POU6F2: variants seen among roughly 807,000 people sequenced by gnomAD.
The protein encoded by POU6F2 is POU class 6 homeobox 2, also known as POU domain, class 6, transcription factor 2.
POU6F2 carries 31 observed loss-of-function variants against 71.3 expected under a neutral mutation model. The ratio of observed to expected loss-of-function variants is 0.43; its 90% CI spans 0.33 to 0.59. POU6F2 has a LOEUF of 0.59. Ranked by LOEUF, POU6F2 falls within the 20% of genes least tolerant of loss-of-function variation. The pLI is 0.04. For synonymous variants in POU6F2, 347 were observed against 355.7 expected, an observed-to-expected ratio of 0.98 and a Z score of 0.27; for missense variants, 783 against 856.8, an observed-to-expected ratio of 0.91 and a Z score of 1.07.
rs531893654 is a variant in POU6F2 at position 39,256,924 on chromosome 7, A to G, written c.598+49304A>G. On this transcript the variant is annotated intron_variant, in intron 4 of 9. Coordinates refer to ENST00000518318, the MANE Select transcript of POU6F2 (RefSeq NM_001370959.1). Reference sequence around the variant, plus strand: ...TAAAACCCATTAAAACCCATTTTGCATGTTTTACTTCCAGAAATGTAAGAT... The same window carrying G: ...TAAAACCCATTAAAACCCATTTTGCGTGTTTTACTTCCAGAAATGTAAGAT... 9.8e-5 allele frequency among the ~76,000 whole-genome samples: 15 copies of G among 152,336 alleles called. No homozygotes were observed. The South Asian group carries it at 2.7e-3, about 27-fold the overall frequency.
chr7:39,292,948 T>C (rs1005196124), intron 4 of POU6F2, among the ~76,000 whole-genome samples: 16 of 152,112 alleles, frequency 1.1e-4, no homozygotes, highest in Non-Finnish European at 1.8e-4. Flanking sequence ...AAATGAGCCG[T>C]TTCGTACCTC....
chr7:39,026,176 G>T (rs1789795929), intron 1 of POU6F2, among the ~76,000 whole-genome samples: 1 of 151,776 alleles, frequency 6.6e-6, no homozygotes, highest in South Asian at 2.1e-4. Context: ...TTCAACCATT[G>T]TGGAAGTCAG....
At chr7:39,200,287 T>A (rs7806520) in intron 2 of POU6F2, among the ~76,000 whole-genome samples, 56,864 of 152,060 alleles carry the variant, frequency 0.37, 10,954 homozygotes, top group South Asian at 0.49. Flanking sequence ...TCACGTGAGC[T>A]ACGCTTTAGA....
chr7:39,425,381 T>A (rs1165843660), intron 6 of POU6F2, among the ~76,000 whole-genome samples: 2 of 152,184 alleles, frequency 1.3e-5, no homozygotes, highest in African/African-American at 4.8e-5. Flanking sequence ...TGGTTACTAA[T>A]GGGAATAACC....
In POU6F2 at chr7:39,297,610, A is replaced by G. The variant is rs185863179; in HGVS notation, c.599-42032A>G. On this transcript the variant is annotated intron_variant, in intron 4 of 9. Transcript: ENST00000518318. ...CTTAAGTCCAGTCTTAAATAAAAGT[A>G]TGTGTCTTGATGGATATTTCTACAA... 8.6e-5 allele frequency among the ~76,000 whole-genome samples: 13 copies of G among 151,850 alleles called. No homozygotes were observed. In the East Asian group the frequency reaches 1.5e-3, roughly 18 times the overall value.
intron 1 of POU6F2, among the ~76,000 whole-genome samples, chr7:38,992,831 C>T (rs1014506618): frequency 2.6e-5 from 4 of 152,154 alleles, no homozygotes; most frequent in Non-Finnish European, 5.9e-5. Flanking sequence ...GTACAAGTGA[C>T]TGTGAATAAT....
chr7:39,160,340 C>T (rs74430783), intron 2 of POU6F2, among the ~76,000 whole-genome samples: 1,581 of 152,278 alleles, frequency 0.01, 23 homozygotes, highest in African/African-American at 0.035. Context: ...GAGCAGTTTA[C>T]AAGAAGGGTC....
intron 2 of POU6F2, among the ~76,000 whole-genome samples, chr7:39,194,821 C>G (rs150231062): frequency 6.6e-6 from 1 of 152,154 alleles, no homozygotes; most frequent in South Asian, 2.1e-4. Flanking sequence ...TCAGCGAGAC[C>G]ACGAACCCCC....
intron 4 of POU6F2, among the ~76,000 whole-genome samples, chr7:39,263,086 C>T (rs1784169856): frequency 6.6e-6 from 1 of 152,110 alleles, no homozygotes; most frequent in Non-Finnish European, 1.5e-5. Context: ...TTTTTAGAGA[C>T]CTCTTTTGTG....
At chr7:39,101,283 A>G (rs949539170) in intron 2 of POU6F2, among the ~76,000 whole-genome samples, 1 of 152,060 alleles carries the variant, frequency 6.6e-6, no homozygotes, top group Admixed American at 6.6e-5. Flanking sequence ...CATGTTGGCC[A>G]GGCTGGTCTC....
At chr7:39,429,113 A>C (rs894468398) in intron 6 of POU6F2, among the ~76,000 whole-genome samples, 5 of 46,420 alleles carry the variant, frequency 1.1e-4, no homozygotes, top group African/African-American at 3.6e-4. Context: ...AAAGCATAAT[A>C]ATAATAAAAA....
At chr7:39,060,538 CCA>C (rs1790634683) in intron 1 of POU6F2, among the ~76,000 whole-genome samples, 1 of 152,086 alleles carries the variant, frequency 6.6e-6, no homozygotes, top group Non-Finnish European at 1.5e-5. Context: ...TACAAAATCC[CCA>C]GATAGGTCTA....
intron 5 of POU6F2, among the ~76,000 whole-genome samples, chr7:39,377,278 A>C (rs887946766): frequency 6.6e-6 from 1 of 151,740 alleles, no homozygotes; most frequent in Non-Finnish European, 1.5e-5. Flanking sequence ...TTACAGGTGC[A>C]CACCACCACA....
chr7:39,376,044 A>C (rs943137643), intron 5 of POU6F2, among the ~76,000 whole-genome samples: 1 of 152,304 alleles, frequency 6.6e-6, no homozygotes, highest in East Asian at 1.9e-4. Flanking sequence ...TGGGGCTATA[A>C]TAGTACCTAT....
intron 4 of POU6F2, among the ~76,000 whole-genome samples, chr7:39,208,250 T>G (rs1320140734): frequency 6.6e-6 from 1 of 152,166 alleles, no homozygotes; most frequent in Non-Finnish European, 1.5e-5. Context: ...TTATGAAGGT[T>G]TTGACTTTTC....
intron 5 of POU6F2, among the ~76,000 whole-genome samples, chr7:39,392,154 T>G (rs144204258): frequency 1.3e-5 from 2 of 152,246 alleles, no homozygotes; most frequent in East Asian, 3.8e-4. Context: ...TCAAAAAATA[T>G]AGCACTGTTC....
chr7:39,200,869 A>G (rs2128744862), intron 2 of POU6F2, among the ~76,000 whole-genome samples: 1 of 151,912 alleles, frequency 6.6e-6, no homozygotes, highest in Admixed American at 6.6e-5. Context: ...AAGAAAAAAA[A>G]AGAAAAAATT....
rs200249539 is a variant in POU6F2 at position 39,025,444 on chromosome 7, G to A, written c.105+47386G>A. Among the ~76,000 whole-genome samples, 30 of 152,136 alleles carry A rather than the reference G, an allele frequency of 2.0e-4. No homozygotes were observed. In the East Asian group the frequency reaches 4.4e-3, roughly 23 times the overall value. On this transcript the variant is annotated intron_variant, in intron 1 of 9. Coordinates refer to ENST00000518318, the MANE Select transcript of POU6F2 (RefSeq NM_001370959.1). The stretch of plus-strand genomic sequence containing the variant: ...GAACAGAGCCCTCAGAAATAAAGCC[G>A]CATATCTACAACTATCTGTTCTTTG...
intron 5 of POU6F2, among the ~76,000 whole-genome samples, chr7:39,381,079 A>T (rs911230435): frequency 6.6e-6 from 1 of 150,712 alleles, no homozygotes; most frequent in African/African-American, 2.4e-5. Flanking sequence ...TGTTTTTGAG[A>T]CAGAGTCTCA....
Sources: allele counts gnomAD v4.1 joint callset (sites outside exome capture counted in the v4.1 genomes callset), GRCh38; gene constraint gnomAD v4.1.1; transcripts MANE v1.5; gene names NCBI Gene and HGNC (gene_info 2026-07-23, HGNC 2026-07-21).